The following CLSTN2 variants were observed in gnomAD, a reference collection of about 807,000 sequenced individuals.
CLSTN2 encodes the protein calsyntenin 2, also known as calsyntenin-2.
Under a neutral mutation model 101.2 loss-of-function variants are expected in CLSTN2, and 48 were observed. The observed-to-expected ratio is 0.47, with a 90% CI of 0.38 to 0.60. CLSTN2 has a LOEUF of 0.60. Ranked by LOEUF, CLSTN2 falls within the 20% of genes least tolerant of loss-of-function variation. The pLI, the probability that CLSTN2 is intolerant of heterozygous loss-of-function variation, is 0.00. For synonymous variants in CLSTN2, 481 were observed against 463.6 expected (o/e 1.04, Z -0.48); for missense variants, 1,160 against 1,238.2 (o/e 0.94, Z 0.95).
At chr3:140,011,076 G>A (rs1313615698) in intron 1 of CLSTN2, among the ~76,000 whole-genome samples, 1 of 152,174 alleles carries the variant, frequency 6.6e-6, no homozygotes, top group South Asian at 2.1e-4. Flanking sequence ...GGATAAACAG[G>A]TTGCTGGCCT....
chr3:139,966,225 A>T (rs923792181), intron 1 of CLSTN2, among the ~76,000 whole-genome samples: 1 of 152,080 alleles, frequency 6.6e-6, no homozygotes, highest in Admixed American at 6.5e-5. Context: ...ACAACCTTCA[A>T]TGTGCTCTGC....
At chr3:140,256,377 T>C (rs1484447012) in intron 2 of CLSTN2, among the ~76,000 whole-genome samples, 2 of 152,224 alleles carry the variant, frequency 1.3e-5, no homozygotes, top group African/African-American at 4.8e-5. Flanking sequence ...AAATATGTCT[T>C]TGAATGGTTG....
intron 1 of CLSTN2, among the ~76,000 whole-genome samples, chr3:140,135,333 G>C (rs2009599016): frequency 6.6e-6 from 1 of 151,644 alleles, no homozygotes. Flanking sequence ...CTCTCCCTCT[G>C]TTGTGGTTGA....
At chr3:139,982,184 G>C (rs1009017333) in intron 1 of CLSTN2, among the ~76,000 whole-genome samples, 1 of 151,748 alleles carries the variant, frequency 6.6e-6, no homozygotes, top group East Asian at 1.9e-4. Context: ...GTCTCTGTGT[G>C]GTTTGTTTTT....
rs190653612 is a variant in CLSTN2, at chr3:140,197,472, A to G, written c.232+21399A>G. Among the ~76,000 whole-genome samples the G allele has an allele frequency of 1.2e-4, 18 of 152,314 alleles. No individual in the cohort carries two copies. The East Asian group carries it at 3.5e-3, about 29-fold the overall frequency. ...GTGGCATTATTTTTCCTTTTTAAAG[A>G]TAAGGAAACTCAGGCTCAGAGAAGT... On this transcript the variant is annotated intron_variant, in intron 2 of 16. Transcript: ENST00000458420.
intron 5 of CLSTN2, among the ~76,000 whole-genome samples, chr3:140,444,154 A>G (rs964737465): frequency 1.3e-5 from 2 of 152,176 alleles, no homozygotes; most frequent in East Asian, 3.9e-4. Flanking sequence ...GGAGTTTTGT[A>G]AAAAAGCTAT....
chr3:139,948,369 G>A (rs1410203352), intron 1 of CLSTN2, among the ~76,000 whole-genome samples: 4 of 151,984 alleles, frequency 2.6e-5, no homozygotes, highest in Non-Finnish European at 5.9e-5. Flanking sequence ...GGAGAGTGAG[G>A]CAGGAGAATC....
At position 140,492,532 on chromosome 3, in the gene CLSTN2, G is replaced by A. The variant is rs141772583; in HGVS notation, c.1344+25801G>A. On this transcript the variant is annotated intron_variant, in intron 8 of 16. Transcript: ENST00000458420. ...CTGTGTTCTGGATTTTATGCTGGAC[G>A]CTTGAAATACAGGACTAAATCCAAG... Among the ~76,000 whole-genome samples, 55 of 152,272 alleles carry A rather than the reference G, an allele frequency of 3.6e-4. No individual in the cohort carries two copies. In the East Asian group the frequency reaches 8.1e-3, roughly 22 times the overall value.
chr3:140,062,163 CG>C (rs2008217611), intron 1 of CLSTN2, among the ~76,000 whole-genome samples: 1 of 152,082 alleles, frequency 6.6e-6, no homozygotes, highest in Non-Finnish European at 1.5e-5. Flanking sequence ...CGTAGAGCCC[CG>C]GGTACTCAGT....
chr3:139,985,312 G>C (rs960476188), intron 1 of CLSTN2, among the ~76,000 whole-genome samples: 9 of 152,156 alleles, frequency 5.9e-5, no homozygotes, highest in Non-Finnish European at 1.3e-4. Context: ...TGAAAAACTG[G>C]AGAGTTGGCC....
At chr3:140,388,323 A>T (rs1398130952) in intron 2 of CLSTN2, among the ~76,000 whole-genome samples, 1 of 152,252 alleles carries the variant, frequency 6.6e-6, no homozygotes, top group African/African-American at 2.4e-5. Context: ...ATGGCTATTG[A>T]TGGAGAGCAT....
intron 2 of CLSTN2, among the ~76,000 whole-genome samples, chr3:140,357,759 G>A (rs2087688500): frequency 6.6e-6 from 1 of 152,146 alleles, no homozygotes; most frequent in South Asian, 2.1e-4. Context: ...TATGCAGAGT[G>A]CAGAGGAGTA....
In CLSTN2 at chr3:140,480,536, G is replaced by A. The variant is rs78696726; in HGVS notation, c.1344+13805G>A. Among the ~76,000 whole-genome samples the A allele has an allele frequency of 3.3e-4, 51 of 152,308 alleles. 3 individuals are homozygous for A. Among genetic ancestry groups the A allele is most frequent in the Admixed American group, 2.4e-3 (37 of 15,306 alleles). On this transcript the variant is annotated intron_variant, in intron 8 of 16. Coordinates refer to ENST00000458420, the MANE Select transcript of CLSTN2 (RefSeq NM_022131.3). The stretch of plus-strand genomic sequence containing the variant: ...GGAATCGCCAACTGACTTCCACAAT[G>A]GTTGAACTAGTTTACAGTCCCGCCA...
intron 1 of CLSTN2, among the ~76,000 whole-genome samples, chr3:140,019,012 A>G (rs1249475422): frequency 6.6e-6 from 1 of 152,094 alleles, no homozygotes; most frequent in Non-Finnish European, 1.5e-5. Flanking sequence ...AGAGGGTCTA[A>G]TCAGATGATC....
chr3:140,317,176 A>G (rs897526170), intron 2 of CLSTN2, among the ~76,000 whole-genome samples: 4 of 152,174 alleles, frequency 2.6e-5, no homozygotes, highest in African/African-American at 9.7e-5. Context: ...AACAATCTTC[A>G]TGAATTATAC....
At chr3:140,227,227 T>G (rs2086330021) in intron 2 of CLSTN2, among the ~76,000 whole-genome samples, 1 of 152,214 alleles carries the variant, frequency 6.6e-6, no homozygotes, top group Admixed American at 6.5e-5. Context: ...ATGGGAGTAC[T>G]GGCATTGGGT....
chr3:140,025,057 G>A (rs889387226), intron 1 of CLSTN2, among the ~76,000 whole-genome samples: 7 of 152,182 alleles, frequency 4.6e-5, no homozygotes, highest in Admixed American at 3.9e-4. Flanking sequence ...GCCCCATGGA[G>A]GGTTGGTAAC....
At chr3:140,217,882 G>A (rs2010939703) in intron 2 of CLSTN2, among the ~76,000 whole-genome samples, 1 of 152,196 alleles carries the variant, frequency 6.6e-6, no homozygotes, top group Non-Finnish European at 1.5e-5. Flanking sequence ...CAGAAAAGAA[G>A]GAAGAAACCA....
At chr3:139,963,225 C>A (rs1935540792) in intron 1 of CLSTN2, among the ~76,000 whole-genome samples, 2 of 152,064 alleles carry the variant, frequency 1.3e-5, no homozygotes, top group Admixed American at 6.6e-5. Flanking sequence ...GGGTTTGGAG[C>A]CTTACTTTTG....
Sources: gnomAD v4.1 joint callset for allele counts (sites outside exome capture counted in the v4.1 genomes callset) on GRCh38, gnomAD v4.1.1 for gene constraint, MANE v1.5 for transcripts, NCBI Gene and HGNC (gene_info 2026-07-23, HGNC 2026-07-21) for gene names.